TMED3: variants seen among roughly 807,000 people sequenced by gnomAD.
The protein encoded by TMED3 is transmembrane emp24 domain-containing protein 3.
TMED3 carries 9 observed loss-of-function variants against 15.0 expected under a neutral mutation model. The observed-to-expected ratio is 0.60, with a 90% CI of 0.36 to 1.04. The LOEUF is 1.04. TMED3 is among the 50% of genes least tolerant of loss of function. The pLI, the probability that TMED3 is intolerant of heterozygous loss-of-function variation, is 0.01. For synonymous variants in TMED3, 117 were observed against 121.4 expected, an observed-to-expected ratio of 0.96 and a Z score of 0.24; for missense variants, 267 against 278.9, an observed-to-expected ratio of 0.96 and a Z score of 0.30.
chr15:79,407,244 C>T (rs948751289), intron 2 of TMED3, among the ~76,000 whole-genome samples: 3 of 152,168 alleles, frequency 2.0e-5, no homozygotes, highest in Non-Finnish European at 4.4e-5. Context: ...ACTGGCTCTA[C>T]CTGAGTTTAG....
chr15:79,391,540 A>C (rs1375408258), intron 2 of TMED3, among the ~76,000 whole-genome samples: 1 of 152,054 alleles, frequency 6.6e-6, no homozygotes, highest in Non-Finnish European at 1.5e-5. Context: ...TAGAATGTGT[A>C]TTCTGTGATT....
chr15:79,387,068 C>T (rs866312602), intron 2 of TMED3, among the ~76,000 whole-genome samples: 4 of 151,890 alleles, frequency 2.6e-5, no homozygotes, highest in African/African-American at 7.3e-5. Context: ...GCTGAGATGA[C>T]AGTTGCATGC....
At chr15:79,380,596 T>TAGAGAG (rs1325827135) in intron 2 of TMED3, among the ~76,000 whole-genome samples, 4 of 145,020 alleles carry the variant, frequency 2.8e-5, no homozygotes, top group African/African-American at 7.7e-5. Context: ...TATATATATA[T>TAGAGAG]ATATAGAGAG....
rs1026653139 is a variant in TMED3 at position 79,369,170 on chromosome 15, G to A, written c.418-42230G>A. Among the ~76,000 whole-genome samples the A allele has an allele frequency of 2.7e-4, 41 of 151,730 alleles. 1 individual carries two copies. The highest frequency in any genetic ancestry group is 6.3e-4 in the African/African-American group (26 of 41,256). On this transcript the variant is annotated intron_variant, in intron 2 of 2. Transcript: ENST00000424155. ...CAGACATTCCCTACAGGGCAAGTTCGTCTAACTATGTTCTCCAAGACAGAA... is the reference window on the plus strand; with the variant it reads ...CAGACATTCCCTACAGGGCAAGTTCATCTAACTATGTTCTCCAAGACAGAA...
intron 2 of TMED3, among the ~76,000 whole-genome samples, chr15:79,395,159 G>A (rs940136501): frequency 6.6e-6 from 1 of 152,030 alleles, no homozygotes; most frequent in Non-Finnish European, 1.5e-5. Context: ...GGAAACTGTA[G>A]ATGATGTCCC....
chr15:79,329,548 C>G (rs1244732952), intron 2 of TMED3, among the ~76,000 whole-genome samples: 2 of 152,232 alleles, frequency 1.3e-5, no homozygotes, highest in Non-Finnish European at 2.9e-5. Context: ...GCACATACAG[C>G]TTGTGCCCAG....
chr15:79,349,933 T>G (rs1214978546), intron 2 of TMED3, among the ~76,000 whole-genome samples: 1 of 152,252 alleles, frequency 6.6e-6, no homozygotes, highest in African/African-American at 2.4e-5. Flanking sequence ...ACTCACTTAC[T>G]CTGTATCCAG....
chr15:79,322,409 C>T lies in TMED3; in HGVS notation c.*195C>T. 7.0e-7 allele frequency: 1 copy of T among 1,422,922 alleles called. No individual in the cohort carries two copies. The highest frequency in any genetic ancestry group is 1.4e-5 in the African/African-American group (1 of 69,668). The allele number at this position is 1,422,922 out of a possible 1,614,324, so 88.1% of individuals were successfully genotyped here. ...GTCTCAGAGACCAGTAATCAGAAGG[C>T]ATCCGACTGCATTAAGTGTGCAGCG... On this transcript the variant is annotated 3_prime_UTR_variant, in exon 3 of 3. Transcript: ENST00000299705.
chr15:79,312,450 C>T (rs554768682), intron 1 of TMED3, among the ~76,000 whole-genome samples: 6 of 152,288 alleles, frequency 3.9e-5, no homozygotes, highest in South Asian at 2.1e-4. Context: ...ACTGCCAGGG[C>T]GGAAATCCCT....
intron 2 of TMED3, among the ~76,000 whole-genome samples, chr15:79,364,174 T>TTTTATATAGAAGCC (rs1893184327): frequency 6.6e-6 from 1 of 152,098 alleles, no homozygotes; most frequent in South Asian, 2.1e-4. Context: ...TACAAAGGCT[T>TTTTATATAGAAGCC]TTTATATAGA....
intron 2 of TMED3, chr15:79,383,326 G>T: frequency 2.9e-6 from 1 of 348,496 alleles, no homozygotes; most frequent in Non-Finnish European, 5.3e-6. Flanking sequence ...CTTAGATGGA[G>T]AAAAGAAATG....
At chr15:79,330,703 T>C (rs12913225) in intron 2 of TMED3, among the ~76,000 whole-genome samples, 86,442 of 151,944 alleles carry the variant, frequency 0.57, 24,839 homozygotes, top group Middle Eastern at 0.7. Context: ...TATGGAACCA[T>C]AAAAGACCCC....
rs542017131 is a variant in TMED3 at position 79,346,985 on chromosome 15, T to C, written c.417+32980T>C. ...GATCTGGTAGCATTTCTGCTAAAAC[T>C]ACTCCAAAAATTTAAGGAGGAGGGA... On this transcript the variant is annotated intron_variant, in intron 2 of 2. Transcript: ENST00000424155. Among the ~76,000 whole-genome samples, 7 of 152,246 alleles carry C rather than the reference T, an allele frequency of 4.6e-5. No homozygotes were observed. The South Asian group carries it at 1.5e-3, about 32-fold the overall frequency.
At chr15:79,401,047 A>G (rs1481595862) in intron 2 of TMED3, among the ~76,000 whole-genome samples, 1 of 152,222 alleles carries the variant, frequency 6.6e-6, no homozygotes, top group South Asian at 2.1e-4. Flanking sequence ...TCAGGTCTGT[A>G]CTATTCCCAG....
rs77590622 is a variant in TMED3, at chr15:79,332,977, T to C, written c.417+18972T>C. Among the ~76,000 whole-genome samples, 775 of 152,374 alleles carry C rather than the reference T, an allele frequency of 5.1e-3. 5 individuals are homozygous for C. The highest frequency in any genetic ancestry group is 0.017 in the African/African-American group (705 of 41,590). Reference sequence around the variant, plus strand: ...AGTCTGTGCAGGAATGAATGGCCCCTGACTGCCCAGTGTTCCATCTCGCCT... The same window carrying C: ...AGTCTGTGCAGGAATGAATGGCCCCCGACTGCCCAGTGTTCCATCTCGCCT... On this transcript the variant is annotated intron_variant, in intron 2 of 2. Transcript: ENST00000424155.
At chr15:79,398,450 A>G (rs1893791002) in intron 2 of TMED3, among the ~76,000 whole-genome samples, 2 of 152,222 alleles carry the variant, frequency 1.3e-5, no homozygotes, top group African/African-American at 2.4e-5. Context: ...TCTGCTGCCT[A>G]CAAGTTGGAG....
intron 1 of TMED3, among the ~76,000 whole-genome samples, chr15:79,311,716 G>T (rs2058715472): frequency 6.6e-6 from 1 of 152,172 alleles, no homozygotes; most frequent in Non-Finnish European, 1.5e-5. Flanking sequence ...GATATCCGCA[G>T]GCCCCCGAGA....
intron 2 of TMED3, among the ~76,000 whole-genome samples, chr15:79,358,440 A>G (rs966201344): frequency 6.6e-6 from 1 of 152,216 alleles, no homozygotes; most frequent in African/African-American, 2.4e-5. Context: ...GAAGAAAATT[A>G]TGTTTGGCTG....
At chr15:79,321,782 C>A (rs1245183924) in intron 2 of TMED3, among the ~76,000 whole-genome samples, 196 bp from the exon 3 acceptor site, 1 of 152,190 alleles carries the variant, frequency 6.6e-6, no homozygotes, top group Non-Finnish European at 1.5e-5. Context: ...TGACTCTGGG[C>A]AAGTTACTTA....
Sources: allele counts gnomAD v4.1 joint callset (sites outside exome capture counted in the v4.1 genomes callset), GRCh38; gene constraint gnomAD v4.1.1; transcripts MANE v1.5; gene names NCBI Gene and HGNC (gene_info 2026-07-23, HGNC 2026-07-21).